VSNL1: variants seen among roughly 807,000 people sequenced by gnomAD.
VSNL1 encodes the protein visinin like 1.
A neutral mutation model predicts 20.4 loss-of-function variants in VSNL1; 6 were observed. That is an observed-to-expected ratio of 0.29 (90% CI 0.16 to 0.58). The LOEUF (loss-of-function observed/expected upper bound fraction) is 0.58, where lower values mean the gene tolerates loss of function less well. Ranked by LOEUF, VSNL1 falls within the 20% of genes least tolerant of loss-of-function variation. The pLI, the probability that VSNL1 is intolerant of heterozygous loss-of-function variation, is 0.90. For missense variants in VSNL1, 100 were observed against 234.5 expected, an observed-to-expected ratio of 0.43 and a Z score of 3.75; for synonymous variants, 93 against 86.4, an observed-to-expected ratio of 1.08 and a Z score of -0.42.
chr2:17,605,430 G>GAC (rs1647507357), intron 2 of VSNL1, among the ~76,000 whole-genome samples: 1 of 152,140 alleles, frequency 6.6e-6, no homozygotes, highest in Non-Finnish European at 1.5e-5. Context: ...AAGTGAAAAG[G>GAC]CTGTCCCTGG....
chr2:17,650,997 T>C (rs1362045035), intron 3 of VSNL1, among the ~76,000 whole-genome samples: 1 of 152,218 alleles, frequency 6.6e-6, no homozygotes, highest in African/African-American at 2.4e-5. Context: ...ATTCTGAACA[T>C]GTGGCTTGAT....
intron 1 of VSNL1, among the ~76,000 whole-genome samples, chr2:17,554,160 T>C (rs1198951135): frequency 4.6e-5 from 7 of 152,158 alleles, no homozygotes; most frequent in Non-Finnish European, 8.8e-5. Flanking sequence ...TTCTATGTTA[T>C]CTGAGAATCA....
intron 2 of VSNL1, among the ~76,000 whole-genome samples, chr2:17,632,155 C>T (rs187527442): frequency 6.6e-5 from 10 of 152,286 alleles, no homozygotes. Flanking sequence ...AGGCGTGAGC[C>T]ACCACACCTG....
At chr2:17,580,736 C>T (rs528813007) in intron 1 of VSNL1, among the ~76,000 whole-genome samples, 24 of 152,140 alleles carry the variant, frequency 1.6e-4, no homozygotes, top group African/African-American at 5.5e-4. Flanking sequence ...TTTTCCAGGC[C>T]GTGTCAGGAA....
At chr2:17,580,736 CGT>C (rs1468089133) in intron 1 of VSNL1, among the ~76,000 whole-genome samples, 1 of 152,022 alleles carries the variant, frequency 6.6e-6, no homozygotes, top group Non-Finnish European at 1.5e-5. Flanking sequence ...TTTTCCAGGC[CGT>C]GTCAGGAAAG....
rs555332066 is a variant in VSNL1 at position 17,581,771 on chromosome 2, C to G, written c.-5-10299C>G. Among the ~76,000 whole-genome samples the G allele has an allele frequency of 1.3e-4, 19 of 151,804 alleles. No homozygotes were observed. The South Asian group carries it at 4.0e-3, about 32-fold the overall frequency. On this transcript the variant is annotated intron_variant, in intron 1 of 3. Coordinates refer to ENST00000295156, the MANE Select transcript of VSNL1 (RefSeq NM_003385.5). ...TTAAGCTTCGTTTCATACGTTCTCT[C>G]TTATCGCTCAACTGATAAGCTCTTG...
chr2:17,591,864 A>G (rs768822098), intron 1 of VSNL1, among the ~76,000 whole-genome samples: 17 of 152,086 alleles, frequency 1.1e-4, no homozygotes, highest in Non-Finnish European at 2.4e-4. Flanking sequence ...TGAATGCTAC[A>G]GCCCTTGGAA....
chr2:17,655,414 A>G lies in VSNL1; in HGVS notation c.*20A>G. ...AAATGAGCTGATGTCAATGCTATGG[A>G]CTGCACAAAAGTCTCAATGTTCCAT... On this transcript the variant is annotated 3_prime_UTR_variant, in exon 4 of 4. Coordinates refer to ENST00000295156, the MANE Select transcript of VSNL1 (RefSeq NM_003385.5). This position sits in a 1 kb window ranked among gnomAD's most constrained non-coding sequence, Gnocchi z 5.2. 1 of 1,597,044 alleles carries G rather than the reference A, an allele frequency of 6.3e-7. No individual in the cohort carries two copies. Among genetic ancestry groups the G allele is most frequent in the Non-Finnish European group, 8.5e-7 (1 of 1,172,330 alleles).
At chr2:17,644,094 G>T (rs1230480151) in intron 2 of VSNL1, among the ~76,000 whole-genome samples, 1 of 152,180 alleles carries the variant, frequency 6.6e-6, no homozygotes. Context: ...TGGATGGAAG[G>T]GCCTCAGTGT....
At chr2:17,585,540 A>G (rs955674868) in intron 1 of VSNL1, among the ~76,000 whole-genome samples, 3 of 151,524 alleles carry the variant, frequency 2.0e-5, no homozygotes, top group Admixed American at 6.6e-5. Context: ...CACAGAGAGA[A>G]ACATGGGTAG....
At chr2:17,616,006 G>A (rs1246979830) in intron 2 of VSNL1, among the ~76,000 whole-genome samples, 1 of 152,204 alleles carries the variant, frequency 6.6e-6, no homozygotes, top group Admixed American at 6.5e-5. Context: ...CCCCTGCAGG[G>A]CTTGGGACTT....
chr2:17,580,578 GTC>G (rs1664329267), intron 1 of VSNL1, among the ~76,000 whole-genome samples: 1 of 152,202 alleles, frequency 6.6e-6, no homozygotes, highest in African/African-American at 2.4e-5. Flanking sequence ...TTTTGCAAAA[GTC>G]TGTGTCCTCT....
At chr2:17,601,827 C>T (rs772231877) in intron 2 of VSNL1, among the ~76,000 whole-genome samples, 2 of 151,014 alleles carry the variant, frequency 1.3e-5, no homozygotes, top group South Asian at 2.1e-4. Context: ...CCCAGCTACT[C>T]GGGAGGCTGA....
At chr2:17,556,291 C>A (rs1663676047) in intron 1 of VSNL1, among the ~76,000 whole-genome samples, 1 of 152,072 alleles carries the variant, frequency 6.6e-6, no homozygotes, top group Non-Finnish European at 1.5e-5. Flanking sequence ...ATTATAAGAA[C>A]CATGTTTATT....
chr2:17,643,546 T>G (rs1300376826), intron 2 of VSNL1, among the ~76,000 whole-genome samples: 1 of 152,134 alleles, frequency 6.6e-6, no homozygotes, highest in Non-Finnish European at 1.5e-5. Context: ...TAGCAGACAT[T>G]TACTGAGCAC....
rs1355171233 is a variant in VSNL1, at chr2:17,649,938, T to C, written c.378+313T>C. Among the ~76,000 whole-genome samples the C allele has an allele frequency of 6.6e-6, 1 of 152,186 alleles. No homozygotes were observed. Among genetic ancestry groups the C allele is most frequent in the African/African-American group, 2.4e-5 (1 of 41,438 alleles). On this transcript the variant is annotated intron_variant, in intron 3 of 3. Transcript: ENST00000295156. The surrounding 1 kb of genome is among the most constrained non-coding windows in gnomAD (Gnocchi z 6.4). ...CTGTTTCTCTGGCACTTGGTGTATCTCTGCTCTGCCTCACTCCAGCTGCGC... is the reference window on the plus strand; with the variant it reads ...CTGTTTCTCTGGCACTTGGTGTATCCCTGCTCTGCCTCACTCCAGCTGCGC...
intron 1 of VSNL1, among the ~76,000 whole-genome samples, chr2:17,576,742 C>G (rs1281066307): frequency 6.6e-6 from 1 of 152,060 alleles, no homozygotes; most frequent in African/African-American, 2.4e-5. Flanking sequence ...TCAGTCTTAT[C>G]TTTTATAGTT....
At chr2:17,642,324 T>C (rs866486539) in intron 2 of VSNL1, among the ~76,000 whole-genome samples, 1,597 of 144,672 alleles carry the variant, frequency 0.011, 54 homozygotes, top group African/African-American at 0.037. Context: ...TTTTTTTTTT[T>C]TTGAGACAGA....
intron 1 of VSNL1, among the ~76,000 whole-genome samples, chr2:17,587,348 A>AACACACACACACACACAC (rs67537461): frequency 5.2e-5 from 7 of 134,574 alleles, no homozygotes; most frequent in Admixed American, 1.5e-4. Context: ...GGCTGAGGGC[A>AACACACACACACACACAC]ACACACACAC....
Sources: gnomAD v4.1 joint callset for allele counts (sites outside exome capture counted in the v4.1 genomes callset) on GRCh38, gnomAD v4.1.1 for gene constraint, Gnocchi (gnomAD v3.1) non-coding constraint, MANE v1.5 for transcripts, NCBI Gene and HGNC (gene_info 2026-07-23, HGNC 2026-07-21) for gene names.